Variants in MAP2K1 observed in about 807,000 individuals in gnomAD.
The protein encoded by MAP2K1 is mitogen-activated protein kinase kinase 1, also known as dual specificity mitogen-activated protein kinase kinase 1.
A neutral mutation model predicts 46.3 loss-of-function variants in MAP2K1; 16 were observed. The observed-to-expected ratio is 0.35, with a 90% CI of 0.23 to 0.52. MAP2K1 has a LOEUF of 0.52. Among genes scored for constraint, MAP2K1 ranks in the 20% least tolerant of loss-of-function variants. The pLI is 0.94. For synonymous variants in MAP2K1, 183 were observed against 185.6 expected (o/e 0.99, Z 0.11); for missense variants, 263 against 497.1 (o/e 0.53, Z 4.48).
At chr15:66,420,853 ATG>A (rs1177769846) in intron 1 of MAP2K1, among the ~76,000 whole-genome samples, 4 of 126,000 alleles carry the variant, frequency 3.2e-5, no homozygotes, top group African/African-American at 5.7e-5. Flanking sequence ...GTGTATATAT[ATG>A]TGTGTATATA....
At chr15:66,424,080 G>A (rs558048983) in intron 1 of MAP2K1, among the ~76,000 whole-genome samples, 5 of 143,352 alleles carry the variant, frequency 3.5e-5, no homozygotes. Flanking sequence ...TTTTTGAGGT[G>A]GAGTTTTTCT....
intron 1 of MAP2K1, among the ~76,000 whole-genome samples, chr15:66,388,623 A>G (rs767250795): frequency 1.3e-5 from 2 of 152,090 alleles, no homozygotes; most frequent in Non-Finnish European, 2.9e-5. Flanking sequence ...GACTCTAGCG[A>G]TCCTCCCAAA....
intron 5 of MAP2K1, among the ~76,000 whole-genome samples, chr15:66,463,497 T>A (rs1342777156): frequency 4.0e-5 from 2 of 49,432 alleles, no homozygotes; most frequent in East Asian, 1.1e-3. Context: ...TCATTAATTT[T>A]TGAAACGGAG....
intron 5 of MAP2K1, among the ~76,000 whole-genome samples, chr15:66,481,485 CA>C (rs1333517776): frequency 6.6e-6 from 1 of 152,200 alleles, no homozygotes; most frequent in African/African-American, 2.4e-5. Context: ...ATCATCTGGC[CA>C]AGTCTGCATT....
intron 1 of MAP2K1, among the ~76,000 whole-genome samples, chr15:66,424,203 A>T (rs1389230723): frequency 6.6e-6 from 1 of 151,194 alleles, no homozygotes; most frequent in Non-Finnish European, 1.5e-5. Context: ...GATTACAGGC[A>T]TATGCCACCA....
intron 3 of MAP2K1, among the ~76,000 whole-genome samples, chr15:66,440,133 C>G (rs1210728223): frequency 1.3e-5 from 2 of 152,032 alleles, no homozygotes; most frequent in Non-Finnish European, 2.9e-5. Context: ...GCACTGTTGC[C>G]CATGCTAGAG....
intron 1 of MAP2K1, among the ~76,000 whole-genome samples, chr15:66,421,455 T>A (rs75376601): frequency 6.6e-6 from 1 of 151,942 alleles, no homozygotes; most frequent in East Asian, 1.9e-4. Context: ...TTTTTTTTTT[T>A]CCTTAAGTGC....
intron 1 of MAP2K1, among the ~76,000 whole-genome samples, chr15:66,407,611 T>C (rs1190211832): frequency 6.6e-6 from 1 of 152,226 alleles, no homozygotes; most frequent in Admixed American, 6.5e-5. Flanking sequence ...TTCACGCAAG[T>C]AGAGATTACA....
intron 5 of MAP2K1, among the ~76,000 whole-genome samples, chr15:66,460,899 C>T (rs1017067327): frequency 6.6e-6 from 1 of 152,102 alleles, no homozygotes; most frequent in East Asian, 1.9e-4. Flanking sequence ...TGGCCTTGGC[C>T]CTTCCTGGGG....
intron 5 of MAP2K1, among the ~76,000 whole-genome samples, chr15:66,467,054 G>GT (rs1892485568): frequency 6.6e-6 from 1 of 152,122 alleles, no homozygotes; most frequent in Non-Finnish European, 1.5e-5. Context: ...GGCCAACGTT[G>GT]TGAAAGCCTG....
chr15:66,435,188 T>C lies in MAP2K1; in HGVS notation c.242T>C (p.Val81Ala). The part of the protein sequence containing the change: ...ISELGAGNGG[V>A]VFKVSHKPSG... ...GAGCTGGGGGCTGGCAATGGCGGTG[T>C]GGTGTTCAAGGTCTCCCACAAGCCT... Residue 81 changes from valine to alanine, a missense_variant, in exon 2 of 11, where the codon GTG becomes GCG. Physicochemically the swap from Val to Ala is moderately conservative, Grantham distance 64. Coordinates refer to ENST00000307102, the MANE Select transcript of MAP2K1 (RefSeq NM_002755.4). The C allele has an allele frequency of 6.2e-7, 1 of 1,614,014 alleles. No homozygotes were observed. Among genetic ancestry groups the C allele is most frequent in the East Asian group, 2.2e-5 (1 of 44,878 alleles).
chr15:66,476,763 C>T (rs1403634029), intron 5 of MAP2K1, among the ~76,000 whole-genome samples: 3 of 151,886 alleles, frequency 2.0e-5, no homozygotes, highest in Admixed American at 6.6e-5. Flanking sequence ...TCTGTGTAGG[C>T]GGGGGGAGGG....
chr15:66,457,937 T>C (rs1595872825), intron 5 of MAP2K1, among the ~76,000 whole-genome samples: 1 of 148,650 alleles, frequency 6.7e-6, no homozygotes. Flanking sequence ...CACTCCAGCC[T>C]GGGTAACAAG....
At chr15:66,469,291 T>C (rs1480242652) in intron 5 of MAP2K1, among the ~76,000 whole-genome samples, 3 of 152,170 alleles carry the variant, frequency 2.0e-5, no homozygotes, top group Non-Finnish European at 4.4e-5. Context: ...CATTTCTAAG[T>C]GTCTAAACTA....
intron 1 of MAP2K1, among the ~76,000 whole-genome samples, chr15:66,389,356 A>C (rs1213649815): frequency 6.6e-6 from 1 of 152,188 alleles, no homozygotes; most frequent in Non-Finnish European, 1.5e-5. Flanking sequence ...GTGGATACTG[A>C]GTAGAAGTAC....
intron 1 of MAP2K1, among the ~76,000 whole-genome samples, chr15:66,406,230 CT>C (rs2093396268): frequency 6.6e-6 from 1 of 152,200 alleles, no homozygotes; most frequent in South Asian, 2.1e-4. Flanking sequence ...TTTTAAATTC[CT>C]GTCTGAATTA....
chr15:66,420,694 A>T, intron 1 of MAP2K1, among the ~76,000 whole-genome samples: 1 of 74,060 alleles, frequency 1.4e-5, no homozygotes, highest in Non-Finnish European at 3.0e-5. Flanking sequence ...TTCCCCTAAT[A>T]CTTACTCTTG....
At chr15:66,418,381 C>G (rs933532739) in intron 1 of MAP2K1, among the ~76,000 whole-genome samples, 1 of 152,218 alleles carries the variant, frequency 6.6e-6, no homozygotes, top group African/African-American at 2.4e-5. Flanking sequence ...GAAGAGCAAA[C>G]TGCATTCCTG....
chr15:66,443,714 A>T (rs1415625981), intron 4 of MAP2K1, among the ~76,000 whole-genome samples: 1 of 152,154 alleles, frequency 6.6e-6, no homozygotes, highest in Non-Finnish European at 1.5e-5. Flanking sequence ...CTACAAAAAA[A>T]TAAAAATAAA....
Sources: gnomAD v4.1 joint callset for allele counts (sites outside exome capture counted in the v4.1 genomes callset) on GRCh38, gnomAD v4.1.1 for gene constraint, MANE v1.5 for transcripts, NCBI Gene and HGNC (gene_info 2026-07-23, HGNC 2026-07-21) for gene names.